The following FMN1 variants were observed in gnomAD, a reference collection of about 807,000 sequenced individuals.
FMN1 encodes formin-1.
FMN1 carries 110 observed loss-of-function variants against 132.4 expected under a neutral mutation model. That is an observed-to-expected ratio of 0.83 (90% CI 0.71 to 0.97). The LOEUF is 0.97. Among genes scored for constraint, FMN1 ranks in the 50% least tolerant of loss-of-function variants. FMN1 has a pLI of 0.00. For missense variants in FMN1, 1,792 were observed against 1,705.3 expected (o/e 1.05, Z -0.90); for synonymous variants, 722 against 651.7 (o/e 1.11, Z -1.64).
chr15:33,026,410 T>TCACACACA (rs71113496), intron 6 of FMN1, among the ~76,000 whole-genome samples: 4,617 of 140,152 alleles, frequency 0.033, 111 homozygotes, highest in Middle Eastern at 0.043. Flanking sequence ...GTCCAAATTT[T>TCACACACA]CACACACACA....
intron 9 of FMN1, among the ~76,000 whole-genome samples, chr15:32,942,824 T>C (rs1242268838): frequency 6.6e-6 from 1 of 152,216 alleles, no homozygotes; most frequent in Non-Finnish European, 1.5e-5. Flanking sequence ...CTATCACCAA[T>C]GAATAGCTGC....
chr15:32,825,332 C>CT (rs1220803116), intron 17 of FMN1, among the ~76,000 whole-genome samples: 1 of 152,240 alleles, frequency 6.6e-6, no homozygotes, highest in Non-Finnish European at 1.5e-5. Context: ...CTTCAGGGCC[C>CT]TGCCTAGGTG....
intron 4 of FMN1, among the ~76,000 whole-genome samples, chr15:33,130,384 A>G (rs1359303050): frequency 1.3e-5 from 2 of 152,254 alleles, no homozygotes; most frequent in Non-Finnish European, 1.5e-5. Context: ...GTTAAGAATC[A>G]GTTTTATGAA....
At chr15:32,785,537 TG>T (rs1202751202) in intron 19 of FMN1, among the ~76,000 whole-genome samples, 2 of 152,038 alleles carry the variant, frequency 1.3e-5, no homozygotes, top group African/African-American at 2.4e-5. Flanking sequence ...TAAACACCTA[TG>T]GGTGATATGT....
rs138825642 is a variant in FMN1 at position 32,888,781 on chromosome 15, T to C, written c.3715-489A>G. Among the ~76,000 whole-genome samples, 140 of 152,148 alleles carry C rather than the reference T, an allele frequency of 9.2e-4. 2 individuals are homozygous for C. Among genetic ancestry groups the C allele is most frequent in the African/African-American group, 3.1e-3 (130 of 41,500 alleles). ...CTCCCATCACCTTTCCTCACCTTTC[T>C]CTGTGGCTTAAAGCTCTTCTGTGTG... On this transcript the variant is annotated intron_variant, in intron 15 of 20. Coordinates refer to ENST00000616417, the MANE Select transcript of FMN1 (RefSeq NM_001277313.2).
At chr15:32,919,126 C>G (rs1402832158) in intron 10 of FMN1, among the ~76,000 whole-genome samples, 2 of 151,942 alleles carry the variant, frequency 1.3e-5, no homozygotes, top group Admixed American at 6.6e-5. Flanking sequence ...GTGGCATGCT[C>G]ACTTGTTCCT....
In FMN1 at chr15:32,950,020, T is replaced by TATATATATATACACAC. The variant is rs2061605647; in HGVS notation, c.3138+14086_3138+14087insGTGTGTATATATATAT. The stretch of plus-strand genomic sequence containing the variant: ...ACACATACACATATATATATACACA[T>TATATATATATACACAC]ATATATATATATACACATATATATA... On this transcript the variant is annotated intron_variant, in intron 9 of 20. Transcript: ENST00000616417. Among the ~76,000 whole-genome samples, 4 of 2,910 alleles carry TATATATATATACACAC rather than the reference T, an allele frequency of 1.4e-3. 1 individual carries two copies. The highest frequency in any genetic ancestry group is 3.2e-3 in the African/African-American group (4 of 1,260). 1.9% of individuals were successfully genotyped at this position (2,910 alleles called of 152,430 possible). A position where few individuals can be genotyped will look rare whatever the true frequency, so the allele number is the denominator to read the frequency against.
chr15:32,826,588 A>G (rs2058373445), intron 17 of FMN1, among the ~76,000 whole-genome samples: 1 of 152,334 alleles, frequency 6.6e-6, no homozygotes, highest in East Asian at 1.9e-4. Context: ...GAAAGTAGTG[A>G]GAACAACAAG....
Position 33,126,686 on chromosome 15 carries a change from A to G in FMN1, c.1867+26362T>C, listed in dbSNP as rs1356435496. 2.7e-5 allele frequency among the ~76,000 whole-genome samples: 3 copies of G among 110,014 alleles called. No homozygotes were observed. The East Asian group carries it at 1.4e-3, about 52-fold the overall frequency. The allele number at this position is 110,014 out of a possible 152,430, so 72.2% of individuals were successfully genotyped here. On this transcript the variant is annotated intron_variant, in intron 4 of 20. Transcript: ENST00000616417. Reference sequence around the variant, plus strand: ...GCCCAGAATGGGACCAACTCAGCAGACAGGAAGCGAAGGCAATAAAAGAGC... The same window carrying G: ...GCCCAGAATGGGACCAACTCAGCAGGCAGGAAGCGAAGGCAATAAAAGAGC...
chr15:32,915,953 T>C (rs1036879769), intron 10 of FMN1, among the ~76,000 whole-genome samples: 1 of 152,222 alleles, frequency 6.6e-6, no homozygotes, highest in African/African-American at 2.4e-5. Context: ...TGTTACTTGG[T>C]CAAGTCTGGT....
chr15:33,122,631 G>A (rs1427327840), intron 4 of FMN1, among the ~76,000 whole-genome samples: 2 of 152,192 alleles, frequency 1.3e-5, no homozygotes, highest in African/African-American at 2.4e-5. Context: ...GGCCACTAGT[G>A]ACAGGTACAA....
Position 33,153,367 on chromosome 15 carries a change from C to T in FMN1, c.1548G>A (p.Gln516=), listed in dbSNP as rs1287881187. The change falls in exon 4 of 21, where the codon CAG becomes CAA. Residue 516 remains glutamine (Q), a synonymous_variant. Transcript: ENST00000616417. ...NSASQSSTHK[Q]TSPVPSPLSP... is the part of the protein sequence containing the mutation. The stretch of plus-strand genomic sequence containing the variant: ...ACAGAGGCGAGGGAACAGGTGACGT[C>T]TGTTTGTGTGTGCTGGACTGCGAGG... 1 of 1,536,486 alleles carries T rather than the reference C, an allele frequency of 6.5e-7. No individual in the cohort carries two copies. The highest frequency in any genetic ancestry group is 1.2e-5 in the South Asian group (1 of 84,060).
chr15:32,885,495 G>A (rs534559072), intron 16 of FMN1, among the ~76,000 whole-genome samples: 1 of 152,260 alleles, frequency 6.6e-6, no homozygotes, highest in Admixed American at 6.5e-5. Context: ...TGAAACACTG[G>A]CAAATTACTT....
rs76929793 is a variant in FMN1 at position 32,994,820 on chromosome 15, A to G, written c.2223+13194T>C. Among the ~76,000 whole-genome samples, 637 of 152,324 alleles carry G rather than the reference A, an allele frequency of 4.2e-3. 4 individuals carry two copies. The highest frequency in any genetic ancestry group is 0.015 in the African/African-American group (610 of 41,566). On this transcript the variant is annotated intron_variant, in intron 7 of 20. Coordinates refer to ENST00000616417, the MANE Select transcript of FMN1 (RefSeq NM_001277313.2). ...ATAGAATGTACCTATTTACAGCCAT[A>G]AACATAGCATGTACTGTCTCTGTAA...
intron 5 of FMN1, among the ~76,000 whole-genome samples, chr15:33,078,651 A>C (rs1006224736): frequency 2.0e-5 from 3 of 152,066 alleles, no homozygotes; most frequent in African/African-American, 7.2e-5. Context: ...CAACAAAAAA[A>C]AAAAAACAAC....
chr15:32,785,380 G>GA (rs1035704997), intron 19 of FMN1, among the ~76,000 whole-genome samples: 1 of 150,648 alleles, frequency 6.6e-6, no homozygotes, highest in Non-Finnish European at 1.5e-5. Context: ...TATTTATAAT[G>GA]AAAAAAAGGA....
intron 4 of FMN1, among the ~76,000 whole-genome samples, chr15:33,129,474 CTTCTAT>C (rs1963441174): frequency 6.6e-6 from 1 of 152,154 alleles, no homozygotes; most frequent in Non-Finnish European, 1.5e-5. Context: ...AGTTGAAATA[CTTCTAT>C]TTCTAACATA....
intron 4 of FMN1, among the ~76,000 whole-genome samples, chr15:33,132,319 T>C (rs771925919): frequency 6.6e-6 from 1 of 152,154 alleles, no homozygotes; most frequent in Non-Finnish European, 1.5e-5. Context: ...ACACTTCTCA[T>C]TCCCGCTCTC....
At chr15:33,166,370 T>TA (rs1159535205) in intron 3 of FMN1, among the ~76,000 whole-genome samples, 1 of 152,044 alleles carries the variant, frequency 6.6e-6, no homozygotes, top group Non-Finnish European at 1.5e-5. Flanking sequence ...GTGCCATTTT[T>TA]AAAAAGCCCA....
Sources: allele counts gnomAD v4.1 joint callset (sites outside exome capture counted in the v4.1 genomes callset), GRCh38; gene constraint gnomAD v4.1.1; transcripts MANE v1.5; gene names NCBI Gene and HGNC (gene_info 2026-07-23, HGNC 2026-07-21).